The following GAGE10 variants were observed in gnomAD, a reference collection of about 807,000 sequenced individuals.
GAGE10 encodes the protein G antigen 10.
A neutral mutation model predicts 11.5 loss-of-function variants in GAGE10; 9 were observed. The ratio of observed to expected loss-of-function variants is 0.78; its 90% confidence interval spans 0.47 to 1.37. The LOEUF is 1.37. GAGE10 is among the 40% of genes most tolerant of loss of function. GAGE10 has a pLI of 0.00. For synonymous variants in GAGE10, 23 were observed against 29.7 expected (o/e 0.77, Z 0.73); for missense variants, 83 against 92.9 (o/e 0.89, Z 0.44).
intron 3 of GAGE10, among the ~76,000 whole-genome samples, chrX:49,314,562 C>T (rs1243963505): frequency 1.8e-5 from 2 of 112,583 alleles, no homozygotes; most frequent in African/African-American, 3.2e-5. Context: ...ACAGACAGCA[C>T]TATTACAGGT....
At position 49,305,853 on chromosome X, in the gene GAGE10, C is replaced by T. The variant is rs1239119669; in HGVS notation, c.202+329C>T. 9.0e-5 allele frequency among the ~76,000 whole-genome samples: 10 copies of T among 111,334 alleles called. No individual in the cohort carries two copies. The South Asian group carries it at 1.5e-3, about 17-fold the overall frequency. On this transcript the variant is annotated intron_variant, in intron 3 of 4. Transcript: ENST00000407599. Reference sequence around the variant, plus strand: ...TTGTTCCAAGGTTTGTGTCTTCCTACCATCTATGTTGCTGTAAAAACGGAA... The same window carrying T: ...TTGTTCCAAGGTTTGTGTCTTCCTATCATCTATGTTGCTGTAAAAACGGAA...
chrX:49,306,529 C>T (rs1294318550), intron 3 of GAGE10, among the ~76,000 whole-genome samples: 1 of 112,218 alleles, frequency 8.9e-6, no homozygotes, highest in African/African-American at 3.2e-5. Flanking sequence ...GTCCTCAAAT[C>T]CATTCAGCTA....
intron 3 of GAGE10, among the ~76,000 whole-genome samples, chrX:49,310,749 G>A (rs782648181): frequency 9.9e-6 from 1 of 101,074 alleles, no homozygotes; most frequent in South Asian, 4.0e-4. Flanking sequence ...TAACCCACCC[G>A]ATTAGCCCCC....
Position 49,317,146 on chromosome X carries a change from T to C in GAGE10, c.203-17T>C, listed in dbSNP as rs782335851. ...ATGTTTTACTGCTTAAATTGATATG[T>C]ATTTTTTATTTTTAATGGCCGAAGC... On this transcript the variant is annotated splice_polypyrimidine_tract_variant and intron_variant, in intron 3 of 4. Coordinates refer to ENST00000407599, the MANE Select transcript of GAGE10 (RefSeq NM_001098413.4). The C allele has an allele frequency of 2.5e-6, 3 of 1,188,254 alleles. No individual in the cohort carries two copies. Among genetic ancestry groups the C allele is most frequent in the Non-Finnish European group, 3.4e-6 (3 of 879,726 alleles).
chrX:49,317,621 T>G (rs1557125511), intron 4 of GAGE10, among the ~76,000 whole-genome samples: 1 of 103,291 alleles, frequency 9.7e-6, no homozygotes, highest in Non-Finnish European at 2.0e-5. Context: ...TTGCCAGGAT[T>G]ACATGCGAGA....
chrX:49,311,837 C>T (rs1290604022), intron 3 of GAGE10, among the ~76,000 whole-genome samples: 2 of 112,156 alleles, frequency 1.8e-5, no homozygotes, highest in African/African-American at 6.5e-5. Flanking sequence ...TGCCTCAGGG[C>T]GCTGGCAGCT....
intron 1 of GAGE10, among the ~76,000 whole-genome samples, chrX:49,303,964 C>T (rs1207528671): frequency 8.9e-6 from 1 of 111,821 alleles, no homozygotes; most frequent in Non-Finnish European, 1.9e-5. Context: ...GCTGTGAGGC[C>T]ACCATCTGCT....
intron 3 of GAGE10, among the ~76,000 whole-genome samples, chrX:49,313,334 G>A (rs1277276719): frequency 1.8e-5 from 2 of 112,228 alleles, no homozygotes; most frequent in South Asian, 3.6e-4. Flanking sequence ...ACTCACTTAC[G>A]ATGGGATCAG....
chrX:49,310,509 G>A (rs1214487917), intron 3 of GAGE10, among the ~76,000 whole-genome samples: 1 of 111,843 alleles, frequency 8.9e-6, no homozygotes, highest in Non-Finnish European at 1.9e-5. Context: ...TGTCAAAAGA[G>A]TAAGGAGAAT....
chrX:49,305,912 C>T (rs191205996), intron 3 of GAGE10, among the ~76,000 whole-genome samples: 2 of 111,428 alleles, frequency 1.8e-5, no homozygotes, highest in East Asian at 5.6e-4. Flanking sequence ...AACTCAAAGG[C>T]TTTACTGTAA....
At chrX:49,313,999 C>A (rs2066383387) in intron 3 of GAGE10, among the ~76,000 whole-genome samples, 1 of 112,124 alleles carries the variant, frequency 8.9e-6, no homozygotes, top group Non-Finnish European at 1.9e-5. Flanking sequence ...AATGTAAATA[C>A]AATTTATAAG....
rs782256324 is a variant in GAGE10, at chrX:49,317,262, C to T, written c.302C>T (p.Pro101Leu). 2.5e-6 allele frequency: 3 copies of T among 1,207,266 alleles called. No homozygotes were observed. In the Admixed American group the frequency reaches 6.5e-5, roughly 26 times the overall value. ...GGCCAGGAGATGGGCCTGCCAAATC[C>T]AGAGGAGGTGAAAAGGCCTGAAGAA... Reference protein sequence around the residue: ...PDGQEMGLPNPEEVKRPEEGE... With the variant: ...PDGQEMGLPNLEEVKRPEEGE... The change falls in exon 4 of 5, where the codon CCA becomes CTA. Residue 101 changes from proline (P) to leucine (L), a missense_variant. Transcript: ENST00000407599.
chrX:49,317,206 G>A lies in GAGE10; in HGVS notation c.246G>A (p.Lys82=). Residue 82 remains lysine (K), a synonymous_variant, in exon 4 of 5, where the codon AAG becomes AAA. Coordinates refer to ENST00000407599, the MANE Select transcript of GAGE10 (RefSeq NM_001098413.4). Reference sequence around the variant, plus strand: ...ATAGCCAGGAACAGGTTCACCCAAAGACTGGGTGTGAGTGTGGAGATGGTC... The same window carrying A: ...ATAGCCAGGAACAGGTTCACCCAAAAACTGGGTGTGAGTGTGGAGATGGTC... ...EADSQEQVHP[K]TGCECGDGPD... 1 of 1,206,920 alleles carries A rather than the reference G, an allele frequency of 8.3e-7. No individual in the cohort carries two copies. Among genetic ancestry groups the A allele is most frequent in the East Asian group, 3.0e-5 (1 of 33,751 alleles).
chrX:49,312,842 G>C (rs781871770), intron 3 of GAGE10, among the ~76,000 whole-genome samples: 1 of 112,560 alleles, frequency 8.9e-6, no homozygotes, highest in Admixed American at 9.3e-5. Flanking sequence ...TTGATAGGTC[G>C]GCATTTCTAT....
At chrX:49,317,644 G>A (rs1490200556) in intron 4 of GAGE10, among the ~76,000 whole-genome samples, 1 of 77,654 alleles carries the variant, frequency 1.3e-5, no homozygotes, top group Non-Finnish European at 3.2e-5. Flanking sequence ...CACCATACGC[G>A]ACCAAGGCAT....
intron 3 of GAGE10, among the ~76,000 whole-genome samples, chrX:49,315,497 G>A (rs781820663): frequency 8.9e-6 from 1 of 111,887 alleles, no homozygotes; most frequent in Non-Finnish European, 1.9e-5. Context: ...GTTGCAGGCA[G>A]TCCTTGAAAT....
At chrX:49,304,370 A>G (rs1307977473) in intron 1 of GAGE10, among the ~76,000 whole-genome samples, 5 of 113,010 alleles carry the variant, frequency 4.4e-5, no homozygotes, top group African/African-American at 1.3e-4. Flanking sequence ...GAGTGTGCCC[A>G]AAGTAGCAAT....
chrX:49,314,072 C>T (rs1251781290), intron 3 of GAGE10, among the ~76,000 whole-genome samples: 1 of 112,301 alleles, frequency 8.9e-6, no homozygotes, highest in Non-Finnish European at 1.9e-5. Flanking sequence ...CTGCAAATGT[C>T]TATGCTCAGA....
chrX:49,304,028 C>T (rs782554845), intron 1 of GAGE10, among the ~76,000 whole-genome samples: 62 of 111,745 alleles, frequency 5.5e-4, no homozygotes, highest in Non-Finnish European at 9.4e-4. Context: ...GGAGGGGAGG[C>T]GGTCAGGGGC....
Sources: allele counts gnomAD v4.1 joint callset (sites outside exome capture counted in the v4.1 genomes callset), GRCh38; gene constraint gnomAD v4.1.1; transcripts MANE v1.5; gene names NCBI Gene and HGNC (gene_info 2026-07-23, HGNC 2026-07-21).